CASZ1: variants seen among roughly 807,000 people sequenced by gnomAD.
CASZ1 encodes the protein zinc finger protein castor homolog 1.
In CASZ1, 28 loss-of-function variants were observed where a neutral mutation model predicts 135.2. The observed-to-expected ratio is 0.21, with a 90% CI of 0.15 to 0.28. The LOEUF is 0.28. Among genes scored for constraint, CASZ1 ranks in the 10% least tolerant of loss-of-function variants. CASZ1 has a pLI of 1.00. For missense variants in CASZ1, 2,161 were observed against 2,453.3 expected (o/e 0.88, Z 2.52); for synonymous variants, 1,068 against 1,073.4 (o/e 0.99, Z 0.10).
intron 2 of CASZ1, among the ~76,000 whole-genome samples, chr1:10,743,702 G>A (rs1639977226): frequency 6.6e-6 from 1 of 150,992 alleles, no homozygotes; most frequent in Non-Finnish European, 1.5e-5. Flanking sequence ...AGAGGGAAAG[G>A]GAGAAAAAAT....
Position 10,725,224 on chromosome 1 carries a change from C to T in CASZ1, c.-76-19680G>A, listed in dbSNP as rs941166338. Among the ~76,000 whole-genome samples the T allele has an allele frequency of 2.0e-5, 3 of 152,180 alleles. No homozygotes were observed. Among genetic ancestry groups the T allele is most frequent in the African/African-American group, 7.2e-5 (3 of 41,432 alleles). On this transcript the variant is annotated intron_variant, in intron 2 of 20. Transcript: ENST00000377022. This position sits in a 1 kb window ranked among gnomAD's most constrained non-coding sequence, Gnocchi z 4.4. ...TCACTGCCCAGGGCAGCCCGGTGAC[C>T]GTGGACACAGGGCGGCCAAGTAGGC...
chr1:10,743,464 T>G (rs1570548605), intron 2 of CASZ1, among the ~76,000 whole-genome samples: 1 of 137,630 alleles, frequency 7.3e-6, no homozygotes, highest in East Asian at 2.1e-4. Flanking sequence ...ACCTTCTAAG[T>G]GTACCCCGGC....
Position 10,647,392 on chromosome 1 carries a change from C to T in CASZ1, c.3497+409G>A. 9.3e-7 allele frequency: 1 copy of T among 1,079,412 alleles called. No individual in the cohort carries two copies. The highest frequency in any genetic ancestry group is 1.1e-6 in the Non-Finnish European group (1 of 887,292). 66.9% of individuals were successfully genotyped at this position (1,079,412 alleles called of 1,614,324 possible). ...GGAGGGGCCTGGCCCCTACCCGTGA[C>T]TTCACGTGCCCTGCAGAGATTCAGC... On this transcript the variant is annotated intron_variant, in intron 16 of 20. Coordinates refer to ENST00000377022, the MANE Select transcript of CASZ1 (RefSeq NM_001079843.3). The surrounding 1 kb of genome is among the most constrained non-coding windows in gnomAD (Gnocchi z 4.9).
chr1:10,792,880 C>T (rs996596317), intron 1 of CASZ1, among the ~76,000 whole-genome samples: 1 of 152,048 alleles, frequency 6.6e-6, no homozygotes, highest in African/African-American at 2.4e-5. Context: ...ATAAATAAAG[C>T]ACTCCAGTAA....
chr1:10,666,052 C>T lies in CASZ1; in HGVS notation c.17-481G>A, dbSNP rs996978136. Among the ~76,000 whole-genome samples, 1 of 152,176 alleles carries T rather than the reference C, an allele frequency of 6.6e-6. No homozygotes were observed. The highest frequency in any genetic ancestry group is 1.5e-5 in the Non-Finnish European group (1 of 68,028). On this transcript the variant is annotated intron_variant, in intron 4 of 20. Coordinates refer to ENST00000377022, the MANE Select transcript of CASZ1 (RefSeq NM_001079843.3). The surrounding 1 kb of genome is among the most constrained non-coding windows in gnomAD (Gnocchi z 5.2). ...CGCTTGGGAGCGTCCTGCCTTACCA[C>T]ACGTTCCTGGGGAGGAGTCACAGAG...
In CASZ1 at chr1:10,706,624, G is replaced by A. The variant is rs1639178501; in HGVS notation, c.-76-1080C>T. 6.6e-6 allele frequency among the ~76,000 whole-genome samples: 1 copy of A among 152,216 alleles called. No individual in the cohort carries two copies. Among genetic ancestry groups the A allele is most frequent in the Non-Finnish European group, 1.5e-5 (1 of 68,038 alleles). On this transcript the variant is annotated intron_variant, in intron 2 of 20. Coordinates refer to ENST00000377022, the MANE Select transcript of CASZ1 (RefSeq NM_001079843.3). This position sits in a 1 kb window ranked among gnomAD's most constrained non-coding sequence, Gnocchi z 4.3. ...CTCTCCGGTTCCCAGGACATATTTA[G>A]ACAGATAATGCTAATTGTACTTGAC...
intron 11 of CASZ1, chr1:10,652,837 C>T (rs115034579): frequency 6.2e-4 from 97 of 156,764 alleles, no homozygotes; most frequent in Non-Finnish European, 1.0e-3. Context: ...TCAAACACTG[C>T]AGAATAGAAG....
chr1:10,737,612 G>A (rs1639825232), intron 2 of CASZ1, among the ~76,000 whole-genome samples: 2 of 152,258 alleles, frequency 1.3e-5, no homozygotes, highest in Admixed American at 1.3e-4. Context: ...GGGTGCCCAA[G>A]GGAGTTACAT....
At chr1:10,710,167 C>A (rs576510018) in intron 2 of CASZ1, among the ~76,000 whole-genome samples, 1 of 152,306 alleles carries the variant, frequency 6.6e-6, no homozygotes, top group Non-Finnish European at 1.5e-5. Context: ...AAGCAGGAGA[C>A]CTCAACTTGA....
At position 10,639,489 on chromosome 1, in the gene CASZ1, C is replaced by T. The variant is rs1360290076; in HGVS notation, c.4733G>A (p.Cys1578Tyr). The T allele has an allele frequency of 6.2e-7, 1 of 1,610,632 alleles. No individual in the cohort carries two copies. The highest frequency in any genetic ancestry group is 1.1e-5 in the South Asian group (1 of 90,714). ...CGACATGCCCACCACCGTGTGGCGG[C>T]AGCCCGGGAAGGTGCAGTGGAAGTG... The part of the protein sequence containing the change: ...CSHFHCTFPG[C>Y]RHTVVGMSQM... Residue 1578 changes from cysteine to tyrosine, a missense_variant, in exon 21 of 21, where the codon TGC becomes TAC. Physicochemically the swap from Cys to Tyr is radical, Grantham distance 194. This residue lies in a region of CASZ1 where 240 missense variants were observed against 321.4 expected (regional missense o/e 0.75). Coordinates refer to ENST00000377022, the MANE Select transcript of CASZ1 (RefSeq NM_001079843.3). The surrounding 1 kb of genome is among the most constrained non-coding windows in gnomAD (Gnocchi z 4.0).
chr1:10,759,054 G>A lies in CASZ1; in HGVS notation c.-77+1647C>T, dbSNP rs945890282. 7.9e-5 allele frequency among the ~76,000 whole-genome samples: 12 copies of A among 152,182 alleles called. No individual in the cohort carries two copies. Among genetic ancestry groups the A allele is most frequent in the African/African-American group, 2.4e-4 (10 of 41,440 alleles). On this transcript the variant is annotated intron_variant, in intron 2 of 20. Coordinates refer to ENST00000377022, the MANE Select transcript of CASZ1 (RefSeq NM_001079843.3). This position sits in a 1 kb window ranked among gnomAD's most constrained non-coding sequence, Gnocchi z 4.2. The stretch of plus-strand genomic sequence containing the variant: ...ATGGAAACTTCAGAAAGGGAAAAAC[G>A]AATAGGCGTGTTTTGCCCAGGCAAA...
chr1:10,663,838 C>T, intron 5 of CASZ1, among the ~76,000 whole-genome samples: 1 of 152,220 alleles, frequency 6.6e-6, no homozygotes, highest in East Asian at 1.9e-4. Context: ...AGGCCCGCCT[C>T]TGCCAGCCCC....
chr1:10,643,098 G>A, intron 19 of CASZ1, 62 bp downstream of exon 19: 1 of 1,597,146 alleles, frequency 6.3e-7, no homozygotes, highest in Non-Finnish European at 8.6e-7. Context: ...CTGAGAGTGA[G>A]CGTGGGACCA....
rs1639577571 is a variant in CASZ1 at position 10,725,325 on chromosome 1, G to T, written c.-76-19781C>A. ...TGGCCGCCTCCCGCTGCATGCGTGTGGCTGTCAGCTGAGCTCCCCTCCCGC... is the reference window on the plus strand; with the variant it reads ...TGGCCGCCTCCCGCTGCATGCGTGTTGCTGTCAGCTGAGCTCCCCTCCCGC... On this transcript the variant is annotated intron_variant, in intron 2 of 20. Transcript: ENST00000377022. The surrounding 1 kb of genome is among the most constrained non-coding windows in gnomAD (Gnocchi z 4.4). Among the ~76,000 whole-genome samples, 4 of 152,230 alleles carry T rather than the reference G, an allele frequency of 2.6e-5. No individual in the cohort carries two copies. The South Asian group carries it at 8.3e-4, about 31-fold the overall frequency.
At chr1:10,758,367 T>C (rs1163501662) in intron 2 of CASZ1, among the ~76,000 whole-genome samples, 2 of 149,922 alleles carry the variant, frequency 1.3e-5, no homozygotes, top group Non-Finnish European at 3.0e-5. Flanking sequence ...AGTCTTGCTC[T>C]GTCGCCCAGA....
At position 10,638,131 on chromosome 1, in the gene CASZ1, G is replaced by T. The variant is rs1173581193; in HGVS notation, c.*811C>A. ...GCTTTCTTCCTTTTTGTTCTATGTA[G>T]AATAATAACCTTTACAGGAAAAATA... On this transcript the variant is annotated 3_prime_UTR_variant, in exon 21 of 21. Transcript: ENST00000377022. This position sits in a 1 kb window ranked among gnomAD's most constrained non-coding sequence, Gnocchi z 5.9. 2 of 152,508 alleles carry T rather than the reference G, an allele frequency of 1.3e-5. No homozygotes were observed. The highest frequency in any genetic ancestry group is 1.9e-4 in the East Asian group (1 of 5,176). 9.4% of individuals were successfully genotyped at this position (152,508 alleles called of 1,614,324 possible).
intron 20 of CASZ1, 110 bp from the exon 21 acceptor site, chr1:10,640,169 T>G: frequency 6.8e-7 from 1 of 1,472,370 alleles, no homozygotes; most frequent in African/African-American, 1.4e-5. Context: ...AGGGCGGCAT[T>G]TAGGGAGCCC....
rs1277563138 is a variant in CASZ1 at position 10,777,355 on chromosome 1, AC to A, written c.-233-16499del. Among the ~76,000 whole-genome samples, 1 of 152,050 alleles carries A rather than the reference AC, an allele frequency of 6.6e-6. No individual in the cohort carries two copies. The highest frequency in any genetic ancestry group is 2.4e-5 in the African/African-American group (1 of 41,388). The stretch of plus-strand genomic sequence containing the variant: ...GGCCAGGCCACCTCTGACCTCTGTG[AC>A]TTCACCCTTCACCCACAAGCCTCCT... On this transcript the variant is annotated intron_variant, in intron 1 of 20. Transcript: ENST00000377022. This position sits in a 1 kb window ranked among gnomAD's most constrained non-coding sequence, Gnocchi z 4.4.
intron 1 of CASZ1, among the ~76,000 whole-genome samples, chr1:10,778,392 A>G (rs557936774): frequency 6.6e-6 from 1 of 152,208 alleles, no homozygotes; most frequent in Admixed American, 6.5e-5. Flanking sequence ...GATCACTCAT[A>G]CAATCTCAGA....
Sources: allele counts gnomAD v4.1 joint callset (sites outside exome capture counted in the v4.1 genomes callset), GRCh38; gene constraint gnomAD v4.1.1; regional missense constraint gnomAD v4.1.1; non-coding constraint Gnocchi (gnomAD v3.1); transcripts MANE v1.5; gene names NCBI Gene and HGNC (gene_info 2026-07-23, HGNC 2026-07-21).